The following CLDN10 variants were observed in gnomAD, a reference collection of about 807,000 sequenced individuals.
The protein encoded by CLDN10 is claudin 10, also known as claudin-10.
Under a neutral mutation model 22.9 loss-of-function variants are expected in CLDN10, and 15 were observed. The observed-to-expected ratio is 0.65, with a 90% confidence interval of 0.44 to 1.01. CLDN10 has a LOEUF of 1.01. CLDN10 is among the 50% of genes least tolerant of loss of function. The pLI is 0.00. For synonymous variants in CLDN10, 114 were observed against 111.4 expected, an observed-to-expected ratio of 1.02 and a Z score of -0.15; for missense variants, 247 against 287.8, an observed-to-expected ratio of 0.86 and a Z score of 1.03.
rs142680028 is a variant in CLDN10, at chr13:95,439,504, C to T, written c.214+5457C>T. On this transcript the variant is annotated intron_variant, in intron 1 of 4. Coordinates refer to the CLDN10 transcript ENST00000376873. Reference sequence around the variant, plus strand: ...ACCCACCAGCACACCCAGCTAATTTCTGTATTTTTAATAGAGACAGAGTTT... The same window carrying T: ...ACCCACCAGCACACCCAGCTAATTTTTGTATTTTTAATAGAGACAGAGTTT... Among the ~76,000 whole-genome samples the T allele has an allele frequency of 2.8e-3, 420 of 152,036 alleles. 3 individuals carry two copies. Among genetic ancestry groups the T allele is most frequent in the South Asian group, 0.011 (54 of 4,818 alleles).
At chr13:95,496,498 A>G (rs187705771) in intron 1 of CLDN10, among the ~76,000 whole-genome samples, 182 of 152,322 alleles carry the variant, frequency 1.2e-3, no homozygotes, top group African/African-American at 4.3e-3. Flanking sequence ...TCAGGCTGCG[A>G]TTACAAAATA....
intron 1 of CLDN10, among the ~76,000 whole-genome samples, chr13:95,463,591 C>T (rs1258771597): frequency 2.0e-5 from 3 of 151,732 alleles, no homozygotes; most frequent in African/African-American, 4.8e-5. Flanking sequence ...CTTCAGGCTC[C>T]CAAAGTGCTG....
chr13:95,458,374 A>G (rs1382486385), intron 1 of CLDN10, among the ~76,000 whole-genome samples: 1 of 152,112 alleles, frequency 6.6e-6, no homozygotes, highest in Non-Finnish European at 1.5e-5. Flanking sequence ...TCATTTTCAC[A>G]TTGCTATAAG....
chr13:95,538,153 C>CTTTTTTT (rs1176533524), intron 1 of CLDN10, among the ~76,000 whole-genome samples: 14 of 66,816 alleles, frequency 2.1e-4, no homozygotes, highest in South Asian at 8.1e-4. Flanking sequence ...CTGTTTATTT[C>CTTTTTTT]TTTTTTTTTT....
intron 1 of CLDN10, among the ~76,000 whole-genome samples, chr13:95,529,023 G>C (rs939687523): frequency 6.6e-6 from 1 of 152,088 alleles, no homozygotes; most frequent in African/African-American, 2.4e-5. Flanking sequence ...ACAAAGCTGG[G>C]AACAATGTTT....
At chr13:95,448,427 C>CACA (rs760723074) in intron 1 of CLDN10, among the ~76,000 whole-genome samples, 1 of 152,218 alleles carries the variant, frequency 6.6e-6, no homozygotes, top group Non-Finnish European at 1.5e-5. Context: ...TACCTACATA[C>CACA]ACATACACCA....
intron 1 of CLDN10, among the ~76,000 whole-genome samples, chr13:95,502,541 A>C (rs1037573419): frequency 2.6e-5 from 4 of 152,020 alleles, no homozygotes; most frequent in Non-Finnish European, 5.9e-5. Flanking sequence ...GTTTTTTGAG[A>C]CAGAGTCCCA....
intron 1 of CLDN10, among the ~76,000 whole-genome samples, chr13:95,444,504 G>A (rs1191962720): frequency 1.3e-5 from 2 of 152,192 alleles, no homozygotes; most frequent in African/African-American, 2.4e-5. Flanking sequence ...ATGCTGTTGG[G>A]AGTAAAGCAA....
chr13:95,494,372 T>C (rs1238500225), intron 1 of CLDN10, among the ~76,000 whole-genome samples: 1 of 152,206 alleles, frequency 6.6e-6, no homozygotes, highest in Non-Finnish European at 1.5e-5. Context: ...TAGGTAAATA[T>C]ACAAACACAG....
intron 3 of CLDN10, among the ~76,000 whole-genome samples, chr13:95,575,590 C>CGCGTGTGTGTGT (rs1555301488): frequency 6.6e-6 from 1 of 151,624 alleles, no homozygotes; most frequent in Admixed American, 6.6e-5. Flanking sequence ...CTGCTCAGTT[C>CGCGTGTGTGTGT]GTGTGTGTGT....
At chr13:95,480,633 G>A (rs946229) in intron 1 of CLDN10, among the ~76,000 whole-genome samples, 23,737 of 152,114 alleles carry the variant, frequency 0.16, 2,179 homozygotes, top group East Asian at 0.3. Context: ...TGGGAAACTT[G>A]TTAGAATGCA....
intron 1 of CLDN10, among the ~76,000 whole-genome samples, chr13:95,452,455 G>A (rs1474231609): frequency 2.0e-5 from 3 of 152,130 alleles, no homozygotes; most frequent in Non-Finnish European, 4.4e-5. Context: ...TCCCTCTCTC[G>A]ATTATTAATG....
At chr13:95,487,693 G>A (rs980561432) in intron 1 of CLDN10, among the ~76,000 whole-genome samples, 1 of 151,914 alleles carries the variant, frequency 6.6e-6, no homozygotes, top group Non-Finnish European at 1.5e-5. Context: ...TTTAATTTTT[G>A]AGATGAGATC....
At chr13:95,549,128 G>A (rs1487757201), upstream of CLDN10, among the ~76,000 whole-genome samples, 4 of 152,148 alleles carry the variant, frequency 2.6e-5, no homozygotes, top group Admixed American at 6.5e-5. Context: ...GTATGTCTTC[G>A]GGTCAAATTT....
At chr13:95,559,392 G>T (rs1028939262) in intron 1 of CLDN10, among the ~76,000 whole-genome samples, 39 of 152,280 alleles carry the variant, frequency 2.6e-4, no homozygotes, top group African/African-American at 8.9e-4. Context: ...GAACATACTC[G>T]TTAGGGTACT....
At chr13:95,438,749 C>T (rs1406331632) in intron 1 of CLDN10, among the ~76,000 whole-genome samples, 1 of 152,028 alleles carries the variant, frequency 6.6e-6, no homozygotes, top group African/African-American at 2.4e-5. Context: ...GAGGCCAAGG[C>T]AGGTGGATCA....
rs114583200 is a variant in CLDN10, at chr13:95,493,899, G to A, written c.214+59852G>A. On this transcript the variant is annotated intron_variant, in intron 1 of 4. Coordinates refer to the CLDN10 transcript ENST00000376873. Reference sequence around the variant, plus strand: ...GTGTCTGGCTTATTTCACTTAGCACGTTTTCAAGGTTCATCCACGTTGTGC... The same window carrying A: ...GTGTCTGGCTTATTTCACTTAGCACATTTTCAAGGTTCATCCACGTTGTGC... 4.9e-3 allele frequency among the ~76,000 whole-genome samples: 751 copies of A among 152,108 alleles called. 7 individuals are homozygous for A. In the South Asian group the frequency reaches 0.051, roughly 10 times the overall value.
At chr13:95,469,756 C>A (rs1353910228) in intron 1 of CLDN10, among the ~76,000 whole-genome samples, 1 of 152,148 alleles carries the variant, frequency 6.6e-6, no homozygotes, top group Non-Finnish European at 1.5e-5. Flanking sequence ...CAAGACTGAA[C>A]ACACTCAAAA....
intron 1 of CLDN10, among the ~76,000 whole-genome samples, chr13:95,554,479 T>C (rs2043608649): frequency 6.6e-6 from 1 of 152,058 alleles, no homozygotes; most frequent in African/African-American, 2.4e-5. Context: ...GCAGTGAGAG[T>C]GGAGGTGGTA....
Sources: gnomAD v4.1 joint callset for allele counts (sites outside exome capture counted in the v4.1 genomes callset) on GRCh38, gnomAD v4.1.1 for gene constraint, MANE v1.5 for transcripts, NCBI Gene and HGNC (gene_info 2026-07-23, HGNC 2026-07-21) for gene names.